ZRANB3: variants seen among roughly 807,000 people sequenced by gnomAD.
ZRANB3 encodes DNA annealing helicase and endonuclease ZRANB3.
A neutral mutation model predicts 133.8 loss-of-function variants in ZRANB3; 125 were observed. The observed-to-expected ratio is 0.93, with a 90% CI of 0.81 to 1.08. The LOEUF (loss-of-function observed/expected upper bound fraction) is 1.08. ZRANB3 is among the 50% of genes least tolerant of loss of function. The pLI, the probability that ZRANB3 is intolerant of heterozygous loss-of-function variation, is 0.00. For synonymous variants in ZRANB3, 387 were observed against 432.7 expected, an observed-to-expected ratio of 0.89 and a Z score of 1.31; for missense variants, 1,229 against 1,275.5, an observed-to-expected ratio of 0.96 and a Z score of 0.56.
intron 2 of ZRANB3, among the ~76,000 whole-genome samples, chr2:135,434,448 C>A (rs979391773): frequency 6.6e-6 from 1 of 152,182 alleles, no homozygotes. Flanking sequence ...TTTTACACTG[C>A]ATGTTCTGAA....
At chr2:135,313,888 G>C (rs1202223332) in intron 7 of ZRANB3, among the ~76,000 whole-genome samples, 1 of 151,996 alleles carries the variant, frequency 6.6e-6, no homozygotes, top group Non-Finnish European at 1.5e-5. Flanking sequence ...TTTTGAGACA[G>C]AGTCTCGCTC....
chr2:135,215,628 T>C (rs1391359978), intron 17 of ZRANB3, among the ~76,000 whole-genome samples: 1 of 152,224 alleles, frequency 6.6e-6, no homozygotes, highest in East Asian at 1.9e-4. Context: ...TCTCAGCCCA[T>C]ATCTCATCCT....
intron 2 of ZRANB3, among the ~76,000 whole-genome samples, chr2:135,458,536 T>C (rs1690626501): frequency 6.6e-6 from 1 of 152,124 alleles, no homozygotes; most frequent in Non-Finnish European, 1.5e-5. Flanking sequence ...AATGATCACA[T>C]TTATTACATA....
intron 12 of ZRANB3, among the ~76,000 whole-genome samples, chr2:135,236,834 G>A (rs192936408): frequency 2.6e-5 from 4 of 152,174 alleles, no homozygotes; most frequent in South Asian, 4.1e-4. Context: ...AACCATAAAA[G>A]CCCTAGAAGA....
chr2:135,362,197 CA>C (rs1274331901), intron 3 of ZRANB3, among the ~76,000 whole-genome samples: 5,686 of 73,022 alleles, frequency 0.078, 304 homozygotes, highest in African/African-American at 0.23. Context: ...GACTCCGTCT[CA>C]AAAAAAAAAA....
chr2:135,397,868 T>G (rs936660029), intron 2 of ZRANB3, among the ~76,000 whole-genome samples: 17 of 151,974 alleles, frequency 1.1e-4, no homozygotes, highest in African/African-American at 4.1e-4. Flanking sequence ...TTCCCTTACC[T>G]CTCCTCCCCC....
rs980962256 is a variant in ZRANB3, at chr2:135,275,633, T to C, written c.1086+3A>G. ...AGTATTTAGTTAAAAAATGGCAACA[T>C]ACCTTATTTTCGATGACTGCTTCTG... On this transcript the variant is annotated splice_donor_region_variant and intron_variant, in intron 9 of 20. Transcript: ENST00000264159. 3 of 1,576,646 alleles carry C rather than the reference T, an allele frequency of 1.9e-6. No homozygotes were observed. Among genetic ancestry groups the C allele is most frequent in the Non-Finnish European group, 2.6e-6 (3 of 1,161,516 alleles).
intron 2 of ZRANB3, among the ~76,000 whole-genome samples, chr2:135,408,643 C>T (rs1055405505): frequency 2.0e-5 from 3 of 152,084 alleles, no homozygotes; most frequent in Non-Finnish European, 4.4e-5. Context: ...TACTATGCAG[C>T]CATAAAAAGT....
At chr2:135,223,953 T>G (rs554368972) in intron 15 of ZRANB3, among the ~76,000 whole-genome samples, 4 of 152,240 alleles carry the variant, frequency 2.6e-5, no homozygotes, top group Non-Finnish European at 5.9e-5. Context: ...CTGTGCTAAG[T>G]GCTTTACAGG....
At chr2:135,287,592 T>C (rs1443716995) in intron 8 of ZRANB3, among the ~76,000 whole-genome samples, 2 of 152,122 alleles carry the variant, frequency 1.3e-5, no homozygotes, top group African/African-American at 4.8e-5. Context: ...GTTAGTGTCG[T>C]CTGTGATTTC....
intron 2 of ZRANB3, among the ~76,000 whole-genome samples, chr2:135,416,369 G>A (rs1451776196): frequency 9.2e-5 from 14 of 152,084 alleles, no homozygotes; most frequent in Non-Finnish European, 1.5e-4. Flanking sequence ...TTGCTTCAAA[G>A]AGAATAAAAT....
intron 2 of ZRANB3, among the ~76,000 whole-genome samples, chr2:135,488,563 C>T (rs772749066): frequency 1.3e-5 from 2 of 151,278 alleles, no homozygotes; most frequent in Admixed American, 6.6e-5. Context: ...TTTGAATATA[C>T]TATATAGCAT....
intron 2 of ZRANB3, among the ~76,000 whole-genome samples, chr2:135,401,709 G>A (rs1184096603): frequency 6.6e-6 from 1 of 152,174 alleles, no homozygotes; most frequent in African/African-American, 2.4e-5. Context: ...AACCGTAATA[G>A]CTGCTTTGTG....
At chr2:135,404,069 C>A (rs574073027) in intron 2 of ZRANB3, among the ~76,000 whole-genome samples, 8 of 152,346 alleles carry the variant, frequency 5.3e-5, no homozygotes, top group Admixed American at 3.3e-4. Flanking sequence ...AGGAACACAG[C>A]TCCTCACCAG....
chr2:135,315,634 GTT>G (rs1683214829), intron 6 of ZRANB3, 104 bp from the exon 7 acceptor site: 1 of 813,850 alleles, frequency 1.2e-6, no homozygotes, highest in Non-Finnish European at 1.7e-6. Flanking sequence ...CCATGACACT[GTT>G]TTCATTGATA....
At chr2:135,393,915 C>T (rs1898525) in intron 2 of ZRANB3, among the ~76,000 whole-genome samples, 40,591 of 151,912 alleles carry the variant, frequency 0.27, 9,073 homozygotes, top group African/African-American at 0.6. Flanking sequence ...TGGAGTGCAA[C>T]GGCACGATCT....
chr2:135,368,966 T>C (rs191038633), intron 3 of ZRANB3, among the ~76,000 whole-genome samples: 2 of 152,006 alleles, frequency 1.3e-5, no homozygotes, highest in East Asian at 1.9e-4. Flanking sequence ...TTAACAAAAA[T>C]AGATAAAGAG....
intron 3 of ZRANB3, among the ~76,000 whole-genome samples, chr2:135,363,374 A>G (rs1685776222): frequency 1.3e-5 from 2 of 152,190 alleles, no homozygotes; most frequent in African/African-American, 4.8e-5. Context: ...AAAAAATGAG[A>G]TACTTAACTA....
At chr2:135,390,738 T>C (rs934779981) in intron 3 of ZRANB3, 64 bp downstream of exon 3, 1 of 1,526,382 alleles carries the variant, frequency 6.6e-7, no homozygotes, top group African/African-American at 1.4e-5. Flanking sequence ...ACATGGAAAA[T>C]AGCAGACACT....
Sources: allele counts gnomAD v4.1 joint callset (sites outside exome capture counted in the v4.1 genomes callset), GRCh38; gene constraint gnomAD v4.1.1; transcripts MANE v1.5; gene names NCBI Gene and HGNC (gene_info 2026-07-23, HGNC 2026-07-21).